S100Z: variants seen among roughly 807,000 people sequenced by gnomAD.
S100Z encodes the protein S100 calcium binding protein Z.
A neutral mutation model predicts 8.5 loss-of-function variants in S100Z; 11 were observed. That is an observed-to-expected ratio of 1.30 (90% CI 0.82 to 2.15). The LOEUF is 2.15. S100Z is among the 30% of genes most tolerant of loss of function. The pLI is 0.00. For missense variants in S100Z, 126 were observed against 117.9 expected (o/e 1.07, Z -0.32); for synonymous variants, 34 against 43.8 (o/e 0.78, Z 0.89).
intron 1 of S100Z, among the ~76,000 whole-genome samples, chr5:76,855,621 G>T (rs1447946858): frequency 6.6e-6 from 1 of 152,176 alleles, no homozygotes; most frequent in Non-Finnish European, 1.5e-5. Context: ...TATACCCCCA[G>T]TTGTATCTTG....
chr5:76,896,648 C>A (rs759285684), intron 4 of S100Z, among the ~76,000 whole-genome samples: 1 of 152,192 alleles, frequency 6.6e-6, no homozygotes, highest in Non-Finnish European at 1.5e-5. Flanking sequence ...TAGTTTACAT[C>A]CCCATCAATG....
intron 1 of S100Z, among the ~76,000 whole-genome samples, chr5:76,858,613 T>G (rs1349116725): frequency 2.6e-5 from 4 of 151,708 alleles, no homozygotes; most frequent in African/African-American, 9.7e-5. Flanking sequence ...CGATGACAAG[T>G]AGGGTGGGGG....
chr5:76,863,917 A>G (rs2150627623), intron 1 of S100Z, among the ~76,000 whole-genome samples: 1 of 152,332 alleles, frequency 6.6e-6, no homozygotes, highest in Non-Finnish European at 1.5e-5. Context: ...TAAACTGGAA[A>G]CTTAAATCTA....
downstream of S100Z, among the ~76,000 whole-genome samples, chr5:76,925,099 A>T (rs1230039810): frequency 6.6e-6 from 1 of 152,088 alleles, no homozygotes; most frequent in African/African-American, 2.4e-5. Context: ...GTTTCTTGCC[A>T]CAAGGTCCGA....
At chr5:76,948,421 C>A in the S100Z span, among the ~76,000 whole-genome samples, 1 of 152,072 alleles carries the variant, frequency 6.6e-6, no homozygotes, top group Non-Finnish European at 1.5e-5. Context: ...AAAATACTTA[C>A]CAACCATGTA....
At chr5:76,928,951 A>G in the S100Z span, among the ~76,000 whole-genome samples, 1 of 152,224 alleles carries the variant, frequency 6.6e-6, no homozygotes, top group Non-Finnish European at 1.5e-5. Context: ...TATGTTGCCT[A>G]GGCTGGTCTC....
intron 1 of S100Z, among the ~76,000 whole-genome samples, chr5:76,863,593 C>T (rs1001824405): frequency 6.6e-6 from 1 of 152,074 alleles, no homozygotes; most frequent in African/African-American, 2.4e-5. Flanking sequence ...GGCTGGAGTG[C>T]AGTGGCGCGA....
intron 4 of S100Z, among the ~76,000 whole-genome samples, chr5:76,896,964 G>C (rs60963335): frequency 0.092 from 13,991 of 152,084 alleles, 1,966 homozygotes; most frequent in African/African-American, 0.31. Flanking sequence ...AGTTTGCACT[G>C]TAGGTGTGGG....
the S100Z span, among the ~76,000 whole-genome samples, chr5:76,939,888 G>A: frequency 2.7e-4 from 41 of 152,096 alleles, no homozygotes; most frequent in African/African-American, 8.4e-4. Context: ...GGCCAGGCGC[G>A]GTGGCTCACG....
intron 1 of S100Z, among the ~76,000 whole-genome samples, chr5:76,865,587 A>C (rs978867376): frequency 1.3e-5 from 2 of 151,938 alleles, no homozygotes; most frequent in African/African-American, 4.8e-5. Context: ...AAAGTTAAAA[A>C]AAAAATTAAA....
At chr5:76,912,301 G>A (rs1944539450) in intron 4 of S100Z, among the ~76,000 whole-genome samples, 1 of 152,098 alleles carries the variant, frequency 6.6e-6, no homozygotes, top group African/African-American at 2.4e-5. Flanking sequence ...CAGAGGATGG[G>A]GACCCAATCG....
intron 4 of S100Z, among the ~76,000 whole-genome samples, chr5:76,883,684 T>A (rs1036860001): frequency 6.6e-6 from 1 of 152,148 alleles, no homozygotes; most frequent in African/African-American, 2.4e-5. Context: ...AATGAGTCAG[T>A]CAGAGAGCCT....
the S100Z span, among the ~76,000 whole-genome samples, chr5:76,938,844 C>G: frequency 3.9e-5 from 6 of 152,258 alleles, no homozygotes; most frequent in Admixed American, 2.6e-4. Context: ...GAATGTGCCT[C>G]TATCCCTTTA....
the S100Z span, among the ~76,000 whole-genome samples, chr5:76,940,715 A>G: frequency 1.3e-5 from 2 of 152,174 alleles, no homozygotes; most frequent in Non-Finnish European, 2.9e-5. Context: ...GCCCAGCCTC[A>G]TGAACCAATC....
intron 1 of S100Z, among the ~76,000 whole-genome samples, chr5:76,860,895 G>C (rs1275639890): frequency 6.6e-6 from 1 of 152,064 alleles, no homozygotes; most frequent in Non-Finnish European, 1.5e-5. Context: ...ATTAATTTCT[G>C]GAACATTCTA....
At chr5:76,948,839 C>G in the S100Z span, 1 of 152,126 alleles carries the variant, frequency 6.6e-6, no homozygotes, top group Non-Finnish European at 1.5e-5. Flanking sequence ...ACAAGAGGAA[C>G]AGAAAATCAA....
intron 3 of S100Z, among the ~76,000 whole-genome samples, chr5:76,876,568 A>G (rs1743200450): frequency 1.3e-5 from 2 of 152,000 alleles, no homozygotes; most frequent in Admixed American, 6.6e-5. Flanking sequence ...ACAGAGTGTC[A>G]CTATGTTGGC....
At chr5:76,872,502 A>G (rs1475423313) in intron 2 of S100Z, among the ~76,000 whole-genome samples, 1 of 151,758 alleles carries the variant, frequency 6.6e-6, no homozygotes, top group Non-Finnish European at 1.5e-5. Flanking sequence ...TATCTACAAA[A>G]ATAAAAAAAT....
intron 4 of S100Z, among the ~76,000 whole-genome samples, chr5:76,885,485 C>T (rs1281354283): frequency 1.8e-5 from 2 of 112,986 alleles, no homozygotes; most frequent in African/African-American, 7.6e-5. Context: ...GTGCTTGCCC[C>T]CCAGGAAAGT....
Sources: allele counts gnomAD v4.1 joint callset (sites outside exome capture counted in the v4.1 genomes callset), GRCh38; gene constraint gnomAD v4.1.1; transcripts MANE v1.5; gene names NCBI Gene and HGNC (gene_info 2026-07-23, HGNC 2026-07-21).